The following ADGRA2 variants were observed in gnomAD, a reference collection of about 807,000 sequenced individuals.
ADGRA2 encodes G-protein coupled receptor 124.
A neutral mutation model predicts 98.7 loss-of-function variants in ADGRA2; 61 were observed. The observed-to-expected ratio is 0.62, with a 90% CI of 0.50 to 0.76. ADGRA2 has a LOEUF of 0.76. ADGRA2 is among the 30% of genes least tolerant of loss of function. The probability of loss-of-function intolerance (pLI) is 0.00; values close to 1 mark genes in which losing one functional copy is unlikely to be tolerated. For missense variants in ADGRA2, 1,712 were observed against 1,860.0 expected (o/e 0.92, Z 1.46); for synonymous variants, 858 against 831.5 (o/e 1.03, Z -0.55).
chr8:37,819,472 G>A (rs553007210), intron 2 of ADGRA2, among the ~76,000 whole-genome samples: 2 of 152,256 alleles, frequency 1.3e-5, no homozygotes, highest in South Asian at 2.1e-4. Flanking sequence ...GGTTTTAAGC[G>A]ATTCTCCTGC....
intron 2 of ADGRA2, among the ~76,000 whole-genome samples, chr8:37,824,077 G>A (rs1489306933): frequency 1.3e-5 from 2 of 151,828 alleles, no homozygotes; most frequent in African/African-American, 4.8e-5. Flanking sequence ...TGCTGCCCAA[G>A]CTGGAGTGCA....
chr8:37,797,358 G>T lies in ADGRA2; in HGVS notation c.90G>T (p.Glu30Asp). The T allele has an allele frequency of 1.4e-6, 2 of 1,414,632 alleles. No individual in the cohort carries two copies. The highest frequency in any genetic ancestry group is 1.8e-6 in the Non-Finnish European group (2 of 1,086,174). 87.6% of individuals were successfully genotyped at this position (1,414,632 alleles called of 1,614,324 possible). A position where few individuals can be genotyped will look rare whatever the true frequency, so the allele number is the denominator to read the frequency against. The part of the protein sequence containing the change: ...LPWLLLLLAP[E>D]ARGAPGCPLS... ...GGCTCCTGCTGCTCCTGGCGCCCGA[G>T]GCTCGGGGCGCGCCCGGCTGCCCGC... is the stretch of plus-strand genomic sequence containing the variant. Residue 30 changes from glutamate (E) to aspartate (D), a missense_variant, in exon 1 of 19, where the codon GAG (glutamate) becomes GAT (aspartate). By Grantham distance (45) the Glu-to-Asp change is conservative (BLOSUM62 2). Coordinates refer to ENST00000412232, the MANE Select transcript of ADGRA2 (RefSeq NM_032777.10). This position sits in a 1 kb window ranked among gnomAD's most constrained non-coding sequence, Gnocchi z 5.3.
In ADGRA2 at chr8:37,839,858, G is replaced by A. The variant is rs187154113; in HGVS notation, c.2511+236G>A. Reference sequence around the variant, plus strand: ...TGGGCTTCAAAGTGGAAATGGAGACGTGCAGTGGTGGGGAGGTGGGGGATC... The same window carrying A: ...TGGGCTTCAAAGTGGAAATGGAGACATGCAGTGGTGGGGAGGTGGGGGATC... On this transcript the variant is annotated intron_variant, in intron 16 of 18. Coordinates refer to ENST00000412232, the MANE Select transcript of ADGRA2 (RefSeq NM_032777.10). Among the ~76,000 whole-genome samples, 6 of 151,984 alleles carry A rather than the reference G, an allele frequency of 3.9e-5. No individual in the cohort carries two copies. The East Asian group carries it at 1.2e-3, about 29-fold the overall frequency.
Position 37,829,494 on chromosome 8 carries a change from A to G in ADGRA2, c.489A>G (p.Ile163Met). Residue 163 changes from isoleucine to methionine, a missense_variant, in exon 5 of 19, where the codon ATA becomes ATG. Transcript: ENST00000412232. Reference sequence around the variant, plus strand: ...TGTCCCCTGTTCCCTGCAGAAACATATCTGGAAACATCTTCTCCAGTCTGC... The same window carrying G: ...TGTCCCCTGTTCCCTGCAGAAACATGTCTGGAAACATCTTCTCCAGTCTGC... ...QGLPRLLRLN[I>M]SGNIFSSLQP... 1 of 1,613,000 alleles carries G rather than the reference A, an allele frequency of 6.2e-7. No homozygotes were observed. The highest frequency in any genetic ancestry group is 8.5e-7 in the Non-Finnish European group (1 of 1,179,014).
rs1377239670 is a variant in ADGRA2 at position 37,833,195 on chromosome 8, A to G, written c.1283A>G (p.Tyr428Cys). 6.2e-7 allele frequency: 1 copy of G among 1,611,254 alleles called. No homozygotes were observed. Among genetic ancestry groups the G allele is most frequent in the African/African-American group, 1.3e-5 (1 of 75,026 alleles). Residue 428 changes from tyrosine to cysteine, a missense_variant, in exon 9 of 19, where the codon TAC (tyrosine) becomes TGC (cysteine). Physicochemically the swap from Tyr to Cys is radical, Grantham distance 194. Coordinates refer to ENST00000412232, the MANE Select transcript of ADGRA2 (RefSeq NM_032777.10). ...LYTNDITRVLYTFVLMPINAS... is the reference protein window; with the variant it reads ...LYTNDITRVLCTFVLMPINAS... ...ACCAACGACATCACCAGGGTGCTGT[A>G]CACCTTCGTGCTGGTGAGGAGAGGC...
chr8:37,837,834 C>A lies in ADGRA2; in HGVS notation c.2154C>A (p.Pro718=), dbSNP rs918028686. ...PVAAWWSQEG[P]GEAGGWTSEG... is the part of the protein sequence containing the mutation. ...CCGCTTGGTGGAGCCAGGAGGGGCC[C>A]GGGGAGGCTGGGGGCTGGACCTCGG... The change falls in exon 14 of 19, where the codon CCC becomes CCA. Residue 718 remains proline, a synonymous_variant. Transcript: ENST00000412232. 3.3e-6 allele frequency: 5 copies of A among 1,529,990 alleles called. No individual in the cohort carries two copies. Among genetic ancestry groups the A allele is most frequent in the African/African-American group, 2.7e-5 (2 of 72,940 alleles). The allele number at this position is 1,529,990 out of a possible 1,614,324, so 94.8% of individuals were successfully genotyped here.
intron 2 of ADGRA2, among the ~76,000 whole-genome samples, chr8:37,817,560 T>C (rs1805015890): frequency 1.3e-5 from 2 of 151,980 alleles, no homozygotes; most frequent in African/African-American, 4.8e-5. Flanking sequence ...TTTTTTTTAA[T>C]TAGCCAGGCA....
rs59591133 is a variant in ADGRA2 at position 37,804,151 on chromosome 8, A to ATG, written c.266+6617_266+6618insTG. Among the ~76,000 whole-genome samples the ATG allele has an allele frequency of 5.6e-4, 83 of 148,602 alleles. 1 individual carries two copies. In the East Asian group the frequency reaches 0.015, roughly 27 times the overall value. ...CACACACACACACACACACACACACACGGCTCTTAGCCAGGCAGCTCTAAC... is the reference window on the plus strand; with the variant it reads ...CACACACACACACACACACACACACATGCGGCTCTTAGCCAGGCAGCTCTAAC... On this transcript the variant is annotated intron_variant, in intron 1 of 18. Transcript: ENST00000412232.
At chr8:37,827,800 T>C (rs1426255572) in intron 2 of ADGRA2, among the ~76,000 whole-genome samples, 1 of 151,974 alleles carries the variant, frequency 6.6e-6, no homozygotes, top group Non-Finnish European at 1.5e-5. Flanking sequence ...TTTCCTCGCC[T>C]GTCAGACAGA....
chr8:37,830,153 C>T lies in ADGRA2; in HGVS notation c.718+139C>T. On this transcript the variant is annotated intron_variant, in intron 6 of 18. Coordinates refer to ENST00000412232, the MANE Select transcript of ADGRA2 (RefSeq NM_032777.10). This position sits in a 1 kb window ranked among gnomAD's most constrained non-coding sequence, Gnocchi z 4.8. ...TTGCAAAAGACCACGACACTGAGTC[C>T]TGCTCTTGCATTTAGGGAGACCTTA... 1 of 554,844 alleles carries T rather than the reference C, an allele frequency of 1.8e-6. No homozygotes were observed. The highest frequency in any genetic ancestry group is 3.1e-6 in the Non-Finnish European group (1 of 318,578). 34.4% of individuals were successfully genotyped at this position (554,844 alleles called of 1,614,324 possible).
chr8:37,831,375 G>C (rs1171381219), intron 7 of ADGRA2, 48 bp from the exon 8 acceptor site: 1 of 1,586,072 alleles, frequency 6.3e-7, no homozygotes, highest in Non-Finnish European at 8.6e-7. Flanking sequence ...GGGCAACGTG[G>C]CTGGGCCCAA....
chr8:37,818,296 G>A (rs1368584880), intron 2 of ADGRA2, among the ~76,000 whole-genome samples: 4 of 152,198 alleles, frequency 2.6e-5, no homozygotes, highest in Admixed American at 2.6e-4. Flanking sequence ...AGAAGGTACT[G>A]CACAGAGCCC....
intron 1 of ADGRA2, among the ~76,000 whole-genome samples, chr8:37,799,536 G>A (rs1039061602): frequency 5.9e-5 from 9 of 152,132 alleles, no homozygotes; most frequent in Non-Finnish European, 1.2e-4. Context: ...TGGGGGAGGC[G>A]GTAGATAGAA....
At position 37,841,210 on chromosome 8, in the gene ADGRA2, C is replaced by A; in HGVS notation, c.2872C>A (p.Pro958Thr). Reference sequence around the variant, plus strand: ...CTTACGGGGTCCTCTGGCACAGAACCCCAAGGCGGGCAACAGCAGGGCCTC... The same window carrying A: ...CTTACGGGGTCCTCTGGCACAGAACACCAAGGCGGGCAACAGCAGGGCCTC... ...LRLRGPLAQNPKAGNSRASLE... is the reference protein window; with the variant it reads ...LRLRGPLAQNTKAGNSRASLE... The change falls in exon 19 of 19, where the codon CCC (proline) becomes ACC (threonine). Residue 958 changes from proline to threonine, a missense_variant. Coordinates refer to ENST00000412232, the MANE Select transcript of ADGRA2 (RefSeq NM_032777.10). This position sits in a 1 kb window ranked among gnomAD's most constrained non-coding sequence, Gnocchi z 5.0. The A allele has an allele frequency of 1.9e-6, 3 of 1,613,598 alleles. No individual in the cohort carries two copies. Among genetic ancestry groups the A allele is most frequent in the Non-Finnish European group, 2.5e-6 (3 of 1,180,018 alleles).
In ADGRA2 at chr8:37,841,816, G is replaced by C. The variant is rs968771776; in HGVS notation, c.3478G>C (p.Glu1160Gln). Reference protein sequence around the residue: ...GAAAGGEGEPEPAGTRGNLAH... With the variant: ...GAAAGGEGEPQPAGTRGNLAH... The stretch of plus-strand genomic sequence containing the variant: ...GGCGGCCGGCGGGGAAGGAGAGCCG[G>C]AGCCGGCGGGCACCCGGGGAAACCT... Residue 1160 changes from glutamate to glutamine, a missense_variant, in exon 19 of 19, where the codon GAG becomes CAG. Transcript: ENST00000412232. The surrounding 1 kb of genome is among the most constrained non-coding windows in gnomAD (Gnocchi z 5.0). 3.9e-6 allele frequency: 6 copies of C among 1,530,558 alleles called. No individual in the cohort carries two copies. The highest frequency in any genetic ancestry group is 1.2e-5 in the South Asian group (1 of 83,580). 94.8% of individuals were successfully genotyped at this position (1,530,558 alleles called of 1,614,324 possible).
intron 14 of ADGRA2, among the ~76,000 whole-genome samples, chr8:37,838,338 G>A (rs1320714121): frequency 2.7e-5 from 4 of 147,354 alleles, no homozygotes; most frequent in South Asian, 2.2e-4. Context: ...TGCAACCTCC[G>A]CCTCCTAGGT....
chr8:37,832,445 T>C (rs1186890814), intron 8 of ADGRA2, among the ~76,000 whole-genome samples: 1 of 152,012 alleles, frequency 6.6e-6, no homozygotes, highest in Non-Finnish European at 1.5e-5. Context: ...CAAGCAATCC[T>C]CCCACCTCCG....
chr8:37,829,756 A>T, intron 5 of ADGRA2, 95 bp from the exon 6 acceptor site: 1 of 1,299,632 alleles, frequency 7.7e-7, no homozygotes, highest in Non-Finnish European at 1.1e-6. Context: ...TGCCCCTCCT[A>T]CCCTCTCCAG....
chr8:37,834,140 C>G lies in ADGRA2; in HGVS notation c.1608+12C>G. ...AGCACATCTCAGTGGTAATGGGGGT[C>G]AGCAGAGGGGGTGGCCCTGGCATGC... On this transcript the variant is annotated intron_variant, in intron 11 of 18. Coordinates refer to ENST00000412232, the MANE Select transcript of ADGRA2 (RefSeq NM_032777.10). This position sits in a 1 kb window ranked among gnomAD's most constrained non-coding sequence, Gnocchi z 4.2. 1 of 1,603,194 alleles carries G rather than the reference C, an allele frequency of 6.2e-7. No homozygotes were observed. The highest frequency in any genetic ancestry group is 8.5e-7 in the Non-Finnish European group (1 of 1,174,660).
Sources: gnomAD v4.1 joint callset for allele counts (sites outside exome capture counted in the v4.1 genomes callset) on GRCh38, gnomAD v4.1.1 for gene constraint, Gnocchi (gnomAD v3.1) non-coding constraint, MANE v1.5 for transcripts, NCBI Gene and HGNC (gene_info 2026-07-23, HGNC 2026-07-21) for gene names.